ATP9A: variants seen among roughly 807,000 people sequenced by gnomAD.
ATP9A encodes probable phospholipid-transporting ATPase IIA.
A neutral mutation model predicts 144.1 loss-of-function variants in ATP9A; 52 were observed. That is an observed-to-expected ratio of 0.36 (90% CI 0.29 to 0.45). The LOEUF is 0.45. ATP9A is among the 20% of genes least tolerant of loss of function. The pLI is 1.00. For synonymous variants in ATP9A, 582 were observed against 557.4 expected (o/e 1.04, Z -0.62); for missense variants, 947 against 1,392.7 (o/e 0.68, Z 5.09).
In ATP9A at chr20:51,661,635, T is replaced by A. The variant is rs371328263; in HGVS notation, c.1294-4485A>T. The stretch of plus-strand genomic sequence containing the variant: ...AACCTCCCGCCTCGGCCTCCCAAAG[T>A]GCTGGGATTATAGGTGTGAGCCACT... On this transcript the variant is annotated intron_variant, in intron 13 of 27. Coordinates refer to ENST00000338821, the MANE Select transcript of ATP9A (RefSeq NM_006045.3). Among the ~76,000 whole-genome samples, 17 of 150,782 alleles carry A rather than the reference T, an allele frequency of 1.1e-4. 2 individuals are homozygous for A. Among genetic ancestry groups the A allele is most frequent in the East Asian group, 3.9e-4 (2 of 5,128 alleles).
chr20:51,761,230 T>G (rs1365787080), intron 1 of ATP9A, among the ~76,000 whole-genome samples: 2 of 152,136 alleles, frequency 1.3e-5, no homozygotes, highest in Non-Finnish European at 2.9e-5. Context: ...TAAATAAATA[T>G]TCATCTTTTT....
chr20:51,641,068 A>G (rs1024383233), intron 14 of ATP9A, among the ~76,000 whole-genome samples: 2 of 152,064 alleles, frequency 1.3e-5, no homozygotes, highest in Non-Finnish European at 2.9e-5. Context: ...CTAAAAAAAA[A>G]TTTTTTAATT....
chr20:51,686,821 G>T (rs6013256), intron 9 of ATP9A, among the ~76,000 whole-genome samples: 38,342 of 151,840 alleles, frequency 0.25, 5,149 homozygotes, highest in Middle Eastern at 0.29. Flanking sequence ...TGTAATCCCA[G>T]CTACTGGAGA....
chr20:51,610,069 A>G, intron 24 of ATP9A, 32 bp downstream of exon 24: 1 of 1,546,264 alleles, frequency 6.5e-7, no homozygotes, highest in Middle Eastern at 1.7e-4. Flanking sequence ...AAGGTTTTGT[A>G]AACAATTAAT....
intron 14 of ATP9A, among the ~76,000 whole-genome samples, chr20:51,652,862 A>G (rs142797906): frequency 0.025 from 3,751 of 152,228 alleles, 61 homozygotes; most frequent in Non-Finnish European, 0.04. Context: ...TAATCCCAAC[A>G]CTTTGGGAGG....
intron 9 of ATP9A, among the ~76,000 whole-genome samples, chr20:51,686,001 C>T (rs6067897): frequency 0.8 from 121,909 of 152,126 alleles, 49,138 homozygotes; most frequent in African/African-American, 0.89. Context: ...ATTAAGAAAA[C>T]GAATAGAATA....
intron 1 of ATP9A, among the ~76,000 whole-genome samples, chr20:51,764,061 C>G (rs995022804): frequency 7.9e-5 from 12 of 152,174 alleles, no homozygotes; most frequent in African/African-American, 2.9e-4. Context: ...ACCATTAGCC[C>G]TAGTAAACAC....
At chr20:51,700,618 G>T (rs1256385744) in intron 4 of ATP9A, among the ~76,000 whole-genome samples, 1 of 152,180 alleles carries the variant, frequency 6.6e-6, no homozygotes, top group South Asian at 2.1e-4. Flanking sequence ...ATCACCTGAG[G>T]TCAGGAGTTT....
At chr20:51,732,517 C>A (rs34622077) in intron 1 of ATP9A, 12,974 of 152,296 alleles carry the variant, frequency 0.085, 664 homozygotes, top group African/African-American at 0.14. Flanking sequence ...AGGCTGCCTG[C>A]TCAGATGCTC....
intron 9 of ATP9A, among the ~76,000 whole-genome samples, chr20:51,683,848 A>C (rs144386658): frequency 1.9e-3 from 288 of 152,298 alleles, no homozygotes; most frequent in African/African-American, 6.7e-3. Context: ...TCCTAACTCT[A>C]TTCCTTAAAG....
At chr20:51,747,225 G>T (rs915118840) in intron 1 of ATP9A, among the ~76,000 whole-genome samples, 17 of 152,118 alleles carry the variant, frequency 1.1e-4, no homozygotes, top group East Asian at 7.7e-4. Context: ...GTCTGGAGGA[G>T]AAATGGGAAT....
intron 9 of ATP9A, among the ~76,000 whole-genome samples, chr20:51,680,025 T>C (rs1251428448): frequency 1.3e-5 from 2 of 151,848 alleles, no homozygotes; most frequent in African/African-American, 2.4e-5. Context: ...AGGTCAGAAG[T>C]TCGAGACCAG....
chr20:51,705,960 C>G (rs753716601), intron 4 of ATP9A, among the ~76,000 whole-genome samples: 15 of 152,144 alleles, frequency 9.9e-5, no homozygotes, highest in Non-Finnish European at 2.1e-4. Flanking sequence ...CATAAAAACT[C>G]ATAAAGGTCT....
Position 51,671,274 on chromosome 20 carries a change from A to G in ATP9A, c.1038-17T>C, listed in dbSNP as rs1439493375. ...ACACGCAAACTAGGCACAAAACCAG[A>G]GCAAACAGGCTAACAGGACAGATGT... On this transcript the variant is annotated splice_polypyrimidine_tract_variant and intron_variant, in intron 11 of 27. Transcript: ENST00000338821. 1 of 1,609,846 alleles carries G rather than the reference A, an allele frequency of 6.2e-7. No homozygotes were observed. The highest frequency in any genetic ancestry group is 1.3e-5 in the African/African-American group (1 of 74,996).
intron 1 of ATP9A, among the ~76,000 whole-genome samples, chr20:51,737,589 C>G (rs190861376): frequency 1.7e-3 from 266 of 152,276 alleles, no homozygotes; most frequent in African/African-American, 6.2e-3. Flanking sequence ...ATACTACTCA[C>G]AGTATTATTG....
In ATP9A at chr20:51,601,016, T is replaced by A. The variant is rs1400051994; in HGVS notation, c.*195A>T. On this transcript the variant is annotated 3_prime_UTR_variant, in exon 28 of 28. Transcript: ENST00000338821. ...AACGAGGGGTTCAGACAGGCCCAGATGGGTCTCTTTCAGGACCCTCCCTCC... is the reference window on the plus strand; with the variant it reads ...AACGAGGGGTTCAGACAGGCCCAGAAGGGTCTCTTTCAGGACCCTCCCTCC... 7 of 532,964 alleles carry A rather than the reference T, an allele frequency of 1.3e-5. No individual in the cohort carries two copies. The highest frequency in any genetic ancestry group is 9.6e-5 in the African/African-American group (5 of 51,978). The allele number at this position is 532,964 out of a possible 1,614,324, so 33.0% of individuals were successfully genotyped here.
At chr20:51,697,840 A>T (rs536670214) in intron 4 of ATP9A, among the ~76,000 whole-genome samples, 36 of 152,344 alleles carry the variant, frequency 2.4e-4, no homozygotes, top group African/African-American at 7.0e-4. Flanking sequence ...GGGGGAAAAA[A>T]GTCTTAATTT....
intron 25 of ATP9A, 55 bp from the exon 26 acceptor site, chr20:51,607,639 A>G: frequency 7.2e-7 from 1 of 1,394,738 alleles, no homozygotes; most frequent in Admixed American, 1.7e-5. Context: ...CTCACGCAGC[A>G]TGCCATCAGC....
chr20:51,721,478 A>T (rs2077688738), intron 3 of ATP9A, among the ~76,000 whole-genome samples: 1 of 152,124 alleles, frequency 6.6e-6, no homozygotes, highest in South Asian at 2.1e-4. Flanking sequence ...AAATTAGCCA[A>T]GAGCATCGTT....
Sources: allele counts gnomAD v4.1 joint callset (sites outside exome capture counted in the v4.1 genomes callset), GRCh38; gene constraint gnomAD v4.1.1; transcripts MANE v1.5; gene names NCBI Gene and HGNC (gene_info 2026-07-23, HGNC 2026-07-21).